Variants in HADHB observed in about 807,000 individuals in gnomAD.
The protein encoded by HADHB is hydroxyacyl-CoA dehydrogenase trifunctional multienzyme complex subunit beta.
A neutral mutation model predicts 61.9 loss-of-function variants in HADHB; 50 were observed. The observed-to-expected ratio is 0.81, with a 90% confidence interval of 0.64 to 1.02. The LOEUF is 1.02. Among genes scored for constraint, HADHB ranks in the 50% least tolerant of loss-of-function variants. The pLI, the probability that HADHB is intolerant of heterozygous loss-of-function variation, is 0.00. For synonymous variants in HADHB, 191 were observed against 201.6 expected, an observed-to-expected ratio of 0.95 and a Z score of 0.45; for missense variants, 504 against 586.5, an observed-to-expected ratio of 0.86 and a Z score of 1.45.
chr2:26,282,875 G>A lies in HADHB; in HGVS notation c.964G>A (p.Ala322Thr). The change falls in exon 11 of 16, where the codon GCG becomes ACG. Residue 322 changes from alanine (A) to threonine (T), a missense_variant. Coordinates refer to ENST00000317799, the MANE Select transcript of HADHB (RefSeq NM_000183.3). Reference protein sequence around the residue: ...TDGASAMLIMAEEKALAMGYK... With the variant: ...TDGASAMLIMTEEKALAMGYK... ...TGGTGCATCTGCAATGTTAATCATG[G>A]CGGAGGAAAAGGCTCTGGCCATGGG... 1 of 1,613,218 alleles carries A rather than the reference G, an allele frequency of 6.2e-7. No individual in the cohort carries two copies. The highest frequency in any genetic ancestry group is 2.2e-5 in the East Asian group (1 of 44,872).
chr2:26,265,537 G>A (rs908275579), intron 4 of HADHB, among the ~76,000 whole-genome samples: 10 of 151,858 alleles, frequency 6.6e-5, no homozygotes, highest in Non-Finnish European at 1.5e-4. Context: ...TGGAGGTTGT[G>A]ATGAGCTGAG....
Position 26,285,419 on chromosome 2 carries a change from C to T in HADHB, c.1237C>T (p.Pro413Ser), listed in dbSNP as rs1672983258. ...MGRKTKVGLP[P>S]LEKFNNWGGS... ...TTGGGGGAGCCAGGTTGGATTGCCT[C>T]CTTTGGAGAAGTTTAATAACTGGGG... Residue 413 changes from proline (P) to serine (S), a missense_variant, in exon 15 of 16, where the codon CCT (proline) becomes TCT (serine). Coordinates refer to ENST00000317799, the MANE Select transcript of HADHB (RefSeq NM_000183.3). The T allele has an allele frequency of 1.2e-6, 2 of 1,613,746 alleles. No individual in the cohort carries two copies. The highest frequency in any genetic ancestry group is 8.5e-7 in the Non-Finnish European group (1 of 1,179,720).
In HADHB at chr2:26,259,487, C is replaced by T. The variant is rs377309080; in HGVS notation, c.110-3893C>T. On this transcript the variant is annotated intron_variant, in intron 3 of 15. Transcript: ENST00000317799. The stretch of plus-strand genomic sequence containing the variant: ...AACATAAATAAGCTAGTTTAAGATA[C>T]GTTCCCCTACACTCCCTTGTACCTA... Among the ~76,000 whole-genome samples, 36 of 152,222 alleles carry T rather than the reference C, an allele frequency of 2.4e-4. No individual in the cohort carries two copies. The South Asian group carries it at 6.2e-3, about 26-fold the overall frequency.
intron 4 of HADHB, 144 bp downstream of exon 4, chr2:26,263,623 G>T (rs962641033): frequency 4.3e-6 from 3 of 699,604 alleles, no homozygotes; most frequent in Non-Finnish European, 7.9e-6. Context: ...TATAGAATAA[G>T]TCAAGACAGT....
intron 15 of HADHB, among the ~76,000 whole-genome samples, chr2:26,289,486 T>G (rs1673178199): frequency 6.6e-6 from 1 of 151,898 alleles, no homozygotes; most frequent in South Asian, 2.1e-4. Flanking sequence ...CTTTTATTGG[T>G]ATTTGCTGTA....
chr2:26,263,408 A>G lies in HADHB; in HGVS notation c.138A>G (p.Leu46=). ...PAVQTKTKKT[L]AKPNIRNVVV... ...TCCAGACCAAAACGAAGAAGACGTT[A>G]GCCAAACCCAATATAAGGAATGTTG... is the stretch of plus-strand genomic sequence containing the variant. Residue 46 remains leucine, a synonymous_variant, in exon 4 of 16, where the codon TTA becomes TTG. Coordinates refer to ENST00000317799, the MANE Select transcript of HADHB (RefSeq NM_000183.3). 6.2e-7 allele frequency: 1 copy of G among 1,612,894 alleles called. No individual in the cohort carries two copies. Among genetic ancestry groups the G allele is most frequent in the Non-Finnish European group, 8.5e-7 (1 of 1,178,934 alleles).
chr2:26,284,903 T>G lies in HADHB; in HGVS notation c.1170T>G (p.Phe390Leu). 1 of 1,592,294 alleles carries G rather than the reference T, an allele frequency of 6.3e-7. No individual in the cohort carries two copies. The highest frequency in any genetic ancestry group is 8.6e-7 in the Non-Finnish European group (1 of 1,160,164). The change falls in exon 14 of 16, where the codon TTT becomes TTG. Residue 390 changes from phenylalanine (F) to leucine (L), a missense_variant. By Grantham distance (22) the Phe-to-Leu change is conservative. Coordinates refer to ENST00000317799, the MANE Select transcript of HADHB (RefSeq NM_000183.3). Reference sequence around the variant, plus strand: ...TCCAGGGTCAGATTTTGGCAAATTTTAAAGCCATGGATTCTGATTGGTTTG... The same window carrying G: ...TCCAGGGTCAGATTTTGGCAAATTTGAAAGCCATGGATTCTGATTGGTTTG... Reference protein sequence around the residue: ...EAFSGQILANFKAMDSDWFAE... With the variant: ...EAFSGQILANLKAMDSDWFAE...
intron 10 of HADHB, among the ~76,000 whole-genome samples, chr2:26,281,979 G>A (rs1672809866): frequency 6.6e-6 from 1 of 151,820 alleles, no homozygotes. Context: ...CCAGCTTCTC[G>A]GTTGTCATTT....
intron 1 of HADHB, among the ~76,000 whole-genome samples, chr2:26,252,082 T>C (rs1179595762): frequency 6.6e-6 from 1 of 152,198 alleles, no homozygotes; most frequent in African/African-American, 2.4e-5. Flanking sequence ...CATCAGTTCC[T>C]CACCACAGGA....
In HADHB at chr2:26,284,918, T is replaced by G. The variant is rs1672961117; in HGVS notation, c.1185T>G (p.Ser395=). The change falls in exon 14 of 16, where the codon TCT becomes TCG. Residue 395 remains serine, a synonymous_variant. Transcript: ENST00000317799. ...TGGCAAATTTTAAAGCCATGGATTC[T>G]GATTGGTTTGCAGAAAACTACATGG... The part of the protein sequence containing the change: ...QILANFKAMD[S]DWFAENYMGR... 6.3e-7 allele frequency: 1 copy of G among 1,599,892 alleles called. No individual in the cohort carries two copies. Among genetic ancestry groups the G allele is most frequent in the African/African-American group, 1.3e-5 (1 of 74,656 alleles).
chr2:26,283,980 C>T, intron 12 of HADHB, 137 bp from the exon 13 acceptor site: 2 of 652,252 alleles, frequency 3.1e-6, no homozygotes, highest in Non-Finnish European at 5.5e-6. Context: ...TTTAACATTT[C>T]ATTAATCAGT....
intron 1 of HADHB, among the ~76,000 whole-genome samples, 195 bp from the exon 2 acceptor site, chr2:26,254,052 A>G (rs1236680493): frequency 2.6e-5 from 4 of 152,068 alleles, no homozygotes; most frequent in African/African-American, 9.7e-5. Context: ...AATGCTTAGA[A>G]TAGTGGTTGC....
At chr2:26,247,535 T>A (rs562484795) in intron 1 of HADHB, among the ~76,000 whole-genome samples, 2 of 152,202 alleles carry the variant, frequency 1.3e-5, no homozygotes, top group Non-Finnish European at 2.9e-5. Flanking sequence ...TTTGTATATT[T>A]GTATATATTT....
chr2:26,260,995 C>A (rs1447626987), intron 3 of HADHB: 1 of 1,515,306 alleles, frequency 6.6e-7, no homozygotes, highest in Non-Finnish European at 8.9e-7. Context: ...AGAATCTGAC[C>A]AACACAGTTG....
At chr2:26,265,295 C>T (rs1170179796) in intron 4 of HADHB, among the ~76,000 whole-genome samples, 1 of 152,138 alleles carries the variant, frequency 6.6e-6, no homozygotes, top group Non-Finnish European at 1.5e-5. Flanking sequence ...GTTTTACTAG[C>T]TGTTAAAAAA....
At chr2:26,264,817 C>T (rs1288825760) in intron 4 of HADHB, among the ~76,000 whole-genome samples, 1 of 151,738 alleles carries the variant, frequency 6.6e-6, no homozygotes, top group Admixed American at 6.6e-5. Context: ...CATGGCAAAA[C>T]CCTGTCTCTA....
intron 5 of HADHB, among the ~76,000 whole-genome samples, chr2:26,272,882 G>A (rs982500629): frequency 6.6e-6 from 1 of 151,836 alleles, no homozygotes; most frequent in Admixed American, 6.6e-5. Flanking sequence ...TCAGGAGTCC[G>A]AGACCAGCCT....
intron 1 of HADHB, among the ~76,000 whole-genome samples, chr2:26,252,468 C>T (rs551426198): frequency 1.3e-5 from 2 of 152,294 alleles, no homozygotes; most frequent in South Asian, 4.1e-4. Context: ...CCTAGTTACC[C>T]AGTTCCCTTT....
chr2:26,263,054 G>A (rs1263542600), intron 3 of HADHB, among the ~76,000 whole-genome samples: 1 of 151,992 alleles, frequency 6.6e-6, no homozygotes, highest in African/African-American at 2.4e-5. Context: ...AATCCCAGCA[G>A]TTTGGGAGGC....
Sources: gnomAD v4.1 joint callset for allele counts (sites outside exome capture counted in the v4.1 genomes callset) on GRCh38, gnomAD v4.1.1 for gene constraint, MANE v1.5 for transcripts, NCBI Gene and HGNC (gene_info 2026-07-23, HGNC 2026-07-21) for gene names.